Variants in LRRC47 observed in about 807,000 individuals in gnomAD.
LRRC47 encodes the protein leucine-rich repeat-containing protein 47.
In LRRC47, 31 loss-of-function variants were observed where a neutral mutation model predicts 40.9. That is an observed-to-expected ratio of 0.76 (90% CI 0.57 to 1.02). LRRC47 has a LOEUF of 1.02. Among genes scored for constraint, LRRC47 ranks in the 50% least tolerant of loss-of-function variants. The pLI, the probability that LRRC47 is intolerant of heterozygous loss-of-function variation, is 0.00. For synonymous variants in LRRC47, 427 were observed against 371.9 expected, an observed-to-expected ratio of 1.15 and a Z score of -1.70; for missense variants, 726 against 796.1, an observed-to-expected ratio of 0.91 and a Z score of 1.06.
At chr1:3,787,432 G>C in intron 1 of LRRC47, 122 bp from the exon 2 acceptor site, 1 of 958,082 alleles carries the variant, frequency 1.0e-6, no homozygotes, top group East Asian at 2.6e-5. Context: ...TGTCTGTGGG[G>C]ACGCGTCCCT....
In LRRC47 at chr1:3,796,220, G is replaced by C; in HGVS notation, c.257C>G (p.Ala86Gly). 3 of 1,428,264 alleles carry C rather than the reference G, an allele frequency of 2.1e-6. No individual in the cohort carries two copies. Among genetic ancestry groups the C allele is most frequent in the Non-Finnish European group, 2.7e-6 (3 of 1,099,166 alleles). 88.5% of individuals were successfully genotyped at this position (1,428,264 alleles called of 1,614,324 possible). A position where few individuals can be genotyped will look rare whatever the true frequency, so the allele number is the denominator to read the frequency against. Reference protein sequence around the residue: ...QLHSLVLRRNALGPGLSPELG... With the variant: ...QLHSLVLRRNGLGPGLSPELG... ...CTCGGGGCTCAGGCCGGGCCCCAGCGCGTTGCGCCGCAGCACGAGGCTGTG... is the reference window on the plus strand; with the variant it reads ...CTCGGGGCTCAGGCCGGGCCCCAGCCCGTTGCGCCGCAGCACGAGGCTGTG... Residue 86 changes from alanine (A) to glycine (G), a missense_variant, in exon 1 of 7, where the codon GCG (alanine) becomes GGG (glycine). By Grantham distance (60) the Ala-to-Gly change is moderately conservative (BLOSUM62 0). Coordinates refer to ENST00000378251, the MANE Select transcript of LRRC47 (RefSeq NM_020710.3).
rs1308851322 is a variant in LRRC47, at chr1:3,781,351, T to A, written c.1504-15A>T. 6.2e-7 allele frequency: 1 copy of A among 1,610,096 alleles called. No individual in the cohort carries two copies. The highest frequency in any genetic ancestry group is 1.7e-5 in the Admixed American group (1 of 59,770). ...TCTGCCATTTTCTGCAAATAAAAAA[T>A]ACCTTTTTAACCTGGAGATGAGAGG... is the stretch of plus-strand genomic sequence containing the variant. On this transcript the variant is annotated splice_polypyrimidine_tract_variant and intron_variant, in intron 6 of 6. Coordinates refer to ENST00000378251, the MANE Select transcript of LRRC47 (RefSeq NM_020710.3).
At position 3,795,859 on chromosome 1, in the gene LRRC47, G is replaced by A. The variant is rs772708435; in HGVS notation, c.615+3C>T. ...CCGCCCCGCCCGGGCAGCCCCCGCT[G>A]ACCTTGAGCGAGGCCAGGTGGGCGA... On this transcript the variant is annotated splice_donor_region_variant and intron_variant, in intron 1 of 6. Transcript: ENST00000378251. 17 of 1,579,026 alleles carry A rather than the reference G, an allele frequency of 1.1e-5. No homozygotes were observed. The South Asian group carries it at 1.7e-4, about 16-fold the overall frequency.
chr1:3,795,957 G>T lies in LRRC47; in HGVS notation c.520C>A (p.Arg174Ser). 6.3e-7 allele frequency: 1 copy of T among 1,594,166 alleles called. No homozygotes were observed. Among genetic ancestry groups the T allele is most frequent in the Non-Finnish European group, 8.5e-7 (1 of 1,172,838 alleles). Residue 174 changes from arginine to serine, a missense_variant, in exon 1 of 7, where the codon CGC becomes AGC. Transcript: ENST00000378251. ...CLDSFPAELFRPGALPLLSEL... is the reference protein window; with the variant it reads ...CLDSFPAELFSPGALPLLSEL... ...CTGAGCAGGGGCAGCGCGCCGGGGC[G>T]AAAGAGCTCGGCGGGAAAGGAGTCT...
At chr1:3,792,606 A>G (rs1358083008) in intron 1 of LRRC47, among the ~76,000 whole-genome samples, 2 of 151,922 alleles carry the variant, frequency 1.3e-5, no homozygotes, top group South Asian at 2.1e-4. Context: ...GACTACAGGC[A>G]TGCACCACCA....
chr1:3,784,217 T>C (rs1232102677), intron 3 of LRRC47, 106 bp from the exon 4 acceptor site: 4 of 881,938 alleles, frequency 4.5e-6, no homozygotes, highest in Non-Finnish European at 5.3e-6. Flanking sequence ...ACTCCCGCCC[T>C]CATTCATCTC....
At chr1:3,784,366 G>A (rs1458160519) in intron 3 of LRRC47, among the ~76,000 whole-genome samples, 1 of 152,222 alleles carries the variant, frequency 6.6e-6, no homozygotes, top group African/African-American at 2.4e-5. Context: ...GCCAGCTCAT[G>A]CACAACTGTT....
intron 4 of LRRC47, 127 bp downstream of exon 4, chr1:3,783,869 C>T: frequency 1.4e-6 from 1 of 703,902 alleles, no homozygotes; most frequent in Non-Finnish European, 2.4e-6. Context: ...TTTCTTTGTA[C>T]CCTGTTAAGA....
intron 4 of LRRC47, chr1:3,783,784 C>T (rs1255241584): frequency 1.7e-6 from 1 of 572,868 alleles, no homozygotes; most frequent in Non-Finnish European, 3.1e-6. Context: ...GCTCCTAACA[C>T]CTTCCACTTC....
intron 1 of LRRC47, among the ~76,000 whole-genome samples, chr1:3,790,550 C>T (rs1342114888): frequency 6.6e-6 from 1 of 152,198 alleles, no homozygotes; most frequent in Admixed American, 6.5e-5. Context: ...CTCGGCTCAC[C>T]ACAGCACTGC....
rs8520 is a variant in LRRC47, at chr1:3,780,573, G to T, written c.*515C>A. ...AAAACCGTAAAATCACTTTGATGTT[G>T]TAACGACAACATAGCATCACTTTAC... On this transcript the variant is annotated 3_prime_UTR_variant, in exon 7 of 7. Coordinates refer to ENST00000378251, the MANE Select transcript of LRRC47 (RefSeq NM_020710.3). 32,445 of 153,922 alleles carry T rather than the reference G, an allele frequency of 0.21. 4,209 individuals carry two copies. The highest frequency in any genetic ancestry group is 0.31 in the Non-Finnish European group (21,363 of 69,200). 9.5% of individuals were successfully genotyped at this position (153,922 alleles called of 1,614,324 possible). A position where few individuals can be genotyped will look rare whatever the true frequency, so the allele number is the denominator to read the frequency against.
intron 6 of LRRC47, 82 bp from the exon 7 acceptor site, chr1:3,781,418 C>CA: frequency 6.4e-7 from 1 of 1,572,816 alleles, no homozygotes; most frequent in South Asian, 1.1e-5. Context: ...ACACAGTAAG[C>CA]AAAAAAGAGG....
chr1:3,796,143 C>A lies in LRRC47; in HGVS notation c.334G>T (p.Glu112Ter), dbSNP rs1557645592. ...AGGCCTTGGCCCGGCGGCAGCGCCT[C>A]CAGCGCGTTGCCCGACAGGTCGAGC... ...RVLDLSGNAL[E>*]ALPPGQGLGP... Residue 112 changes from glutamate (E) to a stop codon, truncating the protein, a stop_gained, in exon 1 of 7, where the codon GAG (glutamate) becomes TAG (stop). Transcript: ENST00000378251. LOFTEE classifies it high-confidence loss of function. 2.8e-6 allele frequency: 4 copies of A among 1,436,560 alleles called. No homozygotes were observed. The highest frequency in any genetic ancestry group is 3.6e-6 in the Non-Finnish European group (4 of 1,102,096). The allele number at this position is 1,436,560 out of a possible 1,614,324, so 89.0% of individuals were successfully genotyped here.
At chr1:3,792,848 T>C (rs12728911) in intron 1 of LRRC47, among the ~76,000 whole-genome samples, 42,654 of 152,134 alleles carry the variant, frequency 0.28, 7,824 homozygotes, top group African/African-American at 0.52. Context: ...AGGCACAATG[T>C]TAAGATACAT....
Position 3,786,842 on chromosome 1 carries a change from C to T in LRRC47, c.1077+7G>A, listed in dbSNP as rs752834385. 9.9e-5 allele frequency: 156 copies of T among 1,575,594 alleles called. No homozygotes were observed. The highest frequency in any genetic ancestry group is 1.2e-4 in the Non-Finnish European group (143 of 1,159,040). ...CCAGTCATCTGAGGACCCCCACGGG[C>T]ACCCACCTGCGAGGTGAGGAAGCGC... On this transcript the variant is annotated splice_region_variant and intron_variant, in intron 2 of 6. Coordinates refer to ENST00000378251, the MANE Select transcript of LRRC47 (RefSeq NM_020710.3).
At position 3,796,287 on chromosome 1, in the gene LRRC47, G is replaced by C; in HGVS notation, c.190C>G (p.Arg64Gly). The C allele has an allele frequency of 6.8e-7, 1 of 1,480,828 alleles. No homozygotes were observed. Among genetic ancestry groups the C allele is most frequent in the Non-Finnish European group, 8.9e-7 (1 of 1,124,202 alleles). The allele number at this position is 1,480,828 out of a possible 1,614,324, so 91.7% of individuals were successfully genotyped here. A position where few individuals can be genotyped will look rare whatever the true frequency, so the allele number is the denominator to read the frequency against. ...TGCGCCAGGCCAGGCCCCGGCGCGC[G>C]CAAGCTCCCGCAGCCGCTCACTTCC... The part of the protein sequence containing the change: ...YLEVSGCGSL[R>G]APGPGLAQGL... Residue 64 changes from arginine to glycine, a missense_variant, in exon 1 of 7, where the codon CGC (arginine) becomes GGC (glycine). Physicochemically the swap from Arg to Gly is moderately radical, Grantham distance 125. Transcript: ENST00000378251.
At chr1:3,783,945 C>T (rs774278398) in intron 4 of LRRC47, 51 bp downstream of exon 4, 1 of 1,467,594 alleles carries the variant, frequency 6.8e-7, no homozygotes. Flanking sequence ...CTGAGGCCAG[C>T]ATGCGGCACT....
At chr1:3,785,861 C>A (rs557204215) in intron 2 of LRRC47, among the ~76,000 whole-genome samples, 2 of 151,450 alleles carry the variant, frequency 1.3e-5, no homozygotes, top group South Asian at 4.2e-4. Flanking sequence ...AATCAAGGAA[C>A]CCTGATTTTC....
chr1:3,787,693 C>G (rs1234480128), intron 1 of LRRC47, among the ~76,000 whole-genome samples: 1 of 152,070 alleles, frequency 6.6e-6, no homozygotes, highest in Non-Finnish European at 1.5e-5. Flanking sequence ...GACCTCATGT[C>G]GGGACCTAGC....
Sources: gnomAD v4.1 joint callset for allele counts (sites outside exome capture counted in the v4.1 genomes callset) on GRCh38, gnomAD v4.1.1 for gene constraint, MANE v1.5 for transcripts, NCBI Gene and HGNC (gene_info 2026-07-23, HGNC 2026-07-21) for gene names.